RAPH1: variants seen among roughly 807,000 people sequenced by gnomAD.
The protein encoded by RAPH1 is ras-associated and pleckstrin homology domains-containing protein 1.
RAPH1 carries 18 observed loss-of-function variants against 88.1 expected under a neutral mutation model. The observed-to-expected ratio is 0.20, with a 90% CI of 0.14 to 0.30. RAPH1 has a LOEUF of 0.30. RAPH1 is among the 10% of genes least tolerant of loss of function. The pLI, the probability that RAPH1 is intolerant of heterozygous loss-of-function variation, is 1.00. For missense variants in RAPH1, 1,448 were observed against 1,543.2 expected, an observed-to-expected ratio of 0.94 and a Z score of 1.03; for synonymous variants, 587 against 559.0, an observed-to-expected ratio of 1.05 and a Z score of -0.71.
At chr2:203,467,908 C>G (rs1162377293) in intron 4 of RAPH1, among the ~76,000 whole-genome samples, 3 of 151,928 alleles carry the variant, frequency 2.0e-5, no homozygotes, top group Non-Finnish European at 2.9e-5. Context: ...GCTGGGACTA[C>G]AGGCATGCAC....
chr2:203,487,677 G>A (rs965975223), intron 4 of RAPH1, among the ~76,000 whole-genome samples: 2 of 152,112 alleles, frequency 1.3e-5, no homozygotes, highest in Non-Finnish European at 2.9e-5. Context: ...GAGCCACCAC[G>A]TCCGGCCTAG....
chr2:203,525,841 A>T (rs1414359961), intron 1 of RAPH1, among the ~76,000 whole-genome samples: 2 of 152,194 alleles, frequency 1.3e-5, no homozygotes, highest in Non-Finnish European at 2.9e-5. Flanking sequence ...CATGGTTATG[A>T]TTTAATTAAT....
intron 1 of RAPH1, among the ~76,000 whole-genome samples, chr2:203,499,275 A>T (rs1235307772): frequency 3.9e-5 from 6 of 152,232 alleles, no homozygotes; most frequent in South Asian, 2.1e-4. Context: ...CTTAAGGAAA[A>T]TATCGCTAGA....
chr2:203,456,208 G>T (rs1258902568), intron 8 of RAPH1, among the ~76,000 whole-genome samples: 1 of 152,136 alleles, frequency 6.6e-6, no homozygotes, highest in Non-Finnish European at 1.5e-5. Flanking sequence ...GTTGACACAT[G>T]AACTGAGTTG....
intron 4 of RAPH1, among the ~76,000 whole-genome samples, chr2:203,467,580 C>T (rs1035276533): frequency 3.3e-5 from 5 of 151,908 alleles, no homozygotes; most frequent in Admixed American, 6.6e-5. Flanking sequence ...GCCTGGGTGA[C>T]ACAGCAAGAC....
chr2:203,493,989 A>AG (rs1688392349), intron 2 of RAPH1, among the ~76,000 whole-genome samples: 1 of 150,472 alleles, frequency 6.6e-6, no homozygotes, highest in African/African-American at 2.4e-5. Context: ...AAAAAAAAAA[A>AG]AAAAAAAAAG....
Position 203,457,593 on chromosome 2 carries a change from A to G in RAPH1, c.1095T>C (p.Asn365=), listed in dbSNP as rs775628580. Reference sequence around the variant, plus strand: ...CTGTTTCTTTTTTCCCCAAAAGATAATTCTGGAAAAACAAACATATGGAAG... The same window carrying G: ...CTGTTTCTTTTTTCCCCAAAAGATAGTTCTGGAAAAACAAACATATGGAAG... ...EKYALFKNPQ[N]YLLGKKETAE... Residue 365 remains asparagine (N), a splice_region_variant and synonymous_variant, in exon 8 of 14, where the codon AAT becomes AAC. Coordinates refer to ENST00000319170, the MANE Select transcript of RAPH1 (RefSeq NM_213589.3). The G allele has an allele frequency of 6.8e-6, 11 of 1,608,660 alleles. No homozygotes were observed. In the Admixed American group the frequency reaches 1.8e-4, roughly 27 times the overall value.
At chr2:203,529,519 G>A (rs2443797) in intron 1 of RAPH1, among the ~76,000 whole-genome samples, 3 of 151,904 alleles carry the variant, frequency 2.0e-5, no homozygotes, top group Non-Finnish European at 4.4e-5. Flanking sequence ...GCGCCACCAC[G>A]CCCGACTAAT....
rs778465268 is a variant in RAPH1, at chr2:203,455,585, A to G, written c.1159-5T>C. ...AGAACTTCCACAAAAACATTCCTAA[A>G]ATAACAAGATTATTTGCAAAGACTT... On this transcript the variant is annotated splice_polypyrimidine_tract_variant and splice_region_variant and intron_variant, in intron 8 of 13. Transcript: ENST00000319170. 4 of 1,611,050 alleles carry G rather than the reference A, an allele frequency of 2.5e-6. No homozygotes were observed. The highest frequency in any genetic ancestry group is 3.4e-6 in the Non-Finnish European group (4 of 1,178,682).
chr2:203,490,177 T>C (rs1304590236), intron 3 of RAPH1, 88 bp from the exon 4 acceptor site: 6 of 1,305,382 alleles, frequency 4.6e-6, no homozygotes, highest in Non-Finnish European at 6.3e-6. Flanking sequence ...CAAAAGAATA[T>C]ATTTTGTTGG....
chr2:203,493,098 AATGTCCC>A (rs1688346684), intron 2 of RAPH1, among the ~76,000 whole-genome samples: 1 of 152,212 alleles, frequency 6.6e-6, no homozygotes, highest in Non-Finnish European at 1.5e-5. Flanking sequence ...ATCTCTTGAA[AATGTCCC>A]AAGTGTTACA....
In RAPH1 at chr2:203,440,400, TGGA is replaced by T; in HGVS notation, c.2787_2789del (p.Pro932del). The T allele has an allele frequency of 6.6e-7, 1 of 1,514,028 alleles. No individual in the cohort carries two copies. Among genetic ancestry groups the T allele is most frequent in the Non-Finnish European group, 8.9e-7 (1 of 1,128,952 alleles). 93.8% of individuals were successfully genotyped at this position (1,514,028 alleles called of 1,614,324 possible). A position where few individuals can be genotyped will look rare whatever the true frequency, so the allele number is the denominator to read the frequency against. On this transcript the variant is annotated inframe_deletion, in exon 14 of 14. Transcript: ENST00000319170. ...GTGGGGCTGGGACAGGTGATGGGGG[TGGA>T]GGAGGAAACACCAGGCTGCTTTCAG...
chr2:203,478,555 T>C (rs1169029232), intron 4 of RAPH1, among the ~76,000 whole-genome samples: 1 of 152,060 alleles, frequency 6.6e-6, no homozygotes, highest in African/African-American at 2.4e-5. Context: ...AGTGGCACGA[T>C]CTCAGCTCAC....
chr2:203,462,782 T>C (rs764067998), intron 4 of RAPH1, among the ~76,000 whole-genome samples: 1 of 152,218 alleles, frequency 6.6e-6, no homozygotes, highest in Non-Finnish European at 1.5e-5. Flanking sequence ...TTTCCAGCAA[T>C]AGGCCATAAT....
intron 7 of RAPH1, 118 bp downstream of exon 7, chr2:203,459,789 T>G (rs2098522897): frequency 9.9e-7 from 1 of 1,008,154 alleles, no homozygotes; most frequent in East Asian, 2.5e-5. Context: ...TATAGGATTT[T>G]GCAGGTATAT....
chr2:203,475,345 T>A (rs1163969303), intron 4 of RAPH1, among the ~76,000 whole-genome samples: 2 of 151,982 alleles, frequency 1.3e-5, no homozygotes, highest in Non-Finnish European at 2.9e-5. Context: ...AGGTGGAGCT[T>A]GCAGTGAGCC....
At chr2:203,491,417 ATAATT>A (rs1357890095) in intron 2 of RAPH1, 98 bp from the exon 3 acceptor site, 4 of 713,818 alleles carry the variant, frequency 5.6e-6, no homozygotes, top group African/African-American at 5.4e-5. Context: ...CTGCCACACT[ATAATT>A]AATTAAACCA....
chr2:203,477,126 G>C, intron 4 of RAPH1: 1 of 1,613,888 alleles, frequency 6.2e-7, no homozygotes, highest in Non-Finnish European at 8.5e-7. Flanking sequence ...CGCTTGGCCT[G>C]CTTGCTGGAA....
chr2:203,503,669 A>G (rs959429039), intron 1 of RAPH1, among the ~76,000 whole-genome samples: 4 of 152,150 alleles, frequency 2.6e-5, no homozygotes, highest in Admixed American at 2.6e-4. Flanking sequence ...ACAGTCTCCC[A>G]AAGTCTTAAC....
Sources: gnomAD v4.1 joint callset for allele counts (sites outside exome capture counted in the v4.1 genomes callset) on GRCh38, gnomAD v4.1.1 for gene constraint, MANE v1.5 for transcripts, NCBI Gene and HGNC (gene_info 2026-07-23, HGNC 2026-07-21) for gene names.